Variants in FAM167A observed in about 807,000 individuals in gnomAD.
The protein encoded by FAM167A is family with sequence similarity 167 member A, also known as protein FAM167A.
FAM167A carries 23 observed loss-of-function variants against 14.9 expected under a neutral mutation model. That is an observed-to-expected ratio of 1.55 (90% CI 1.11 to 2.19). The LOEUF (loss-of-function observed/expected upper bound fraction) is 2.19. Ranked by LOEUF, FAM167A falls within the 30% of genes most tolerant of loss-of-function variation. The pLI is 0.00. For missense variants in FAM167A, 401 were observed against 281.5 expected, an observed-to-expected ratio of 1.42 and a Z score of -3.04; for synonymous variants, 174 against 117.7, an observed-to-expected ratio of 1.48 and a Z score of -3.10.
At chr8:11,452,853 C>T (rs11778177) in intron 1 of FAM167A, among the ~76,000 whole-genome samples, 48,888 of 152,130 alleles carry the variant, frequency 0.32, 8,643 homozygotes, top group Middle Eastern at 0.47. Flanking sequence ...TAGGTCTCCT[C>T]AGAGTTCACC....
rs917752715 is a variant in FAM167A, at chr8:11,421,719, G to C, written c.*2654C>G. ...AAGGCATCAAGACATGACCACGCAT[G>C]GCAGTGTCGGTGGAGAGTTTGCGTT... is the stretch of plus-strand genomic sequence containing the variant. On this transcript the variant is annotated 3_prime_UTR_variant, in exon 3 of 3. Transcript: ENST00000284486. The C allele has an allele frequency of 5.0e-6, 2 of 398,932 alleles. No homozygotes were observed. Among genetic ancestry groups the C allele is most frequent in the African/African-American group, 4.1e-5 (2 of 48,614 alleles). 24.7% of individuals were successfully genotyped at this position (398,932 alleles called of 1,614,324 possible). A position where few individuals can be genotyped will look rare whatever the true frequency, so the allele number is the denominator to read the frequency against.
chr8:11,458,345 C>A lies in FAM167A; in HGVS notation c.-398+8281G>T, dbSNP rs535271595. On this transcript the variant is annotated intron_variant, in intron 1 of 2. Transcript: ENST00000284486. ...CACTTGGATCTGAGCACTTTCCTGC[C>A]CACTCTCAGTGCAGCAGTGCACCTG... Among the ~76,000 whole-genome samples the A allele has an allele frequency of 1.1e-4, 17 of 152,282 alleles. No individual in the cohort carries two copies. The South Asian group carries it at 3.5e-3, about 32-fold the overall frequency.
At chr8:11,474,508 G>C (rs1270282496) in intron 1 of FAM167A, 1 of 152,180 alleles carries the variant, frequency 6.6e-6, no homozygotes, top group Non-Finnish European at 1.5e-5. Flanking sequence ...GCCAGGCTAT[G>C]GTTCACATCT....
At chr8:11,436,024 C>T (rs1805983417) in intron 2 of FAM167A, among the ~76,000 whole-genome samples, 1 of 152,194 alleles carries the variant, frequency 6.6e-6, no homozygotes. Flanking sequence ...TTTTTTGCTC[C>T]TCACAGCCTG....
chr8:11,457,481 C>G (rs184271824), intron 1 of FAM167A, among the ~76,000 whole-genome samples: 2 of 152,116 alleles, frequency 1.3e-5, no homozygotes, highest in African/African-American at 4.8e-5. Flanking sequence ...CCTGGTGCTT[C>G]CGGAGCTCAT....
chr8:11,470,405 G>T (rs993409862), upstream of FAM167A, among the ~76,000 whole-genome samples: 4 of 152,168 alleles, frequency 2.6e-5, no homozygotes, highest in African/African-American at 9.7e-5. Context: ...ATGCCTCGAG[G>T]CCAGAATGCA....
chr8:11,473,607 C>A (rs1204892548), intron 1 of FAM167A, among the ~76,000 whole-genome samples: 4 of 152,186 alleles, frequency 2.6e-5, no homozygotes, highest in Non-Finnish European at 2.9e-5. Context: ...CCCATCCTGG[C>A]CAGGGAGGTG....
At chr8:11,448,028 T>C (rs955017952) in intron 1 of FAM167A, among the ~76,000 whole-genome samples, 1 of 152,068 alleles carries the variant, frequency 6.6e-6, no homozygotes, top group Non-Finnish European at 1.5e-5. Context: ...ACCCCGTCTC[T>C]ACTAAAAATA....
chr8:11,438,476 C>G (rs1325969050), intron 2 of FAM167A: 1 of 457,372 alleles, frequency 2.2e-6, no homozygotes, highest in East Asian at 6.9e-5. Context: ...AGAATGCATA[C>G]CGATTACATT....
At chr8:11,471,000 G>A (rs537725446), upstream of FAM167A, among the ~76,000 whole-genome samples, 7 of 152,318 alleles carry the variant, frequency 4.6e-5, no homozygotes, top group South Asian at 8.3e-4. Context: ...ATTTAGGGGC[G>A]GCTGGCTCTG....
chr8:11,435,356 T>C (rs1341652167), intron 2 of FAM167A, among the ~76,000 whole-genome samples: 1 of 152,248 alleles, frequency 6.6e-6, no homozygotes, highest in Non-Finnish European at 1.5e-5. Flanking sequence ...ATTGGTTTCA[T>C]TTTTTATCAT....
intron 1 of FAM167A, among the ~76,000 whole-genome samples, chr8:11,448,089 G>C (rs1806864588): frequency 6.6e-6 from 1 of 152,154 alleles, no homozygotes; most frequent in Non-Finnish European, 1.5e-5. Flanking sequence ...AGCTACTTGG[G>C]AGACTGGGGC....
chr8:11,471,018 C>A (rs1807945032), upstream of FAM167A, among the ~76,000 whole-genome samples: 1 of 152,142 alleles, frequency 6.6e-6, no homozygotes, highest in South Asian at 2.1e-4. Context: ...CTGTGCCACC[C>A]GGGGGCTAGA....
At chr8:11,433,981 T>C (rs1805805424) in intron 2 of FAM167A, 3 of 152,162 alleles carry the variant, frequency 2.0e-5, no homozygotes, top group Non-Finnish European at 2.9e-5. Context: ...CTGGGTAAAA[T>C]TGTATTACAT....
At chr8:11,433,374 C>A (rs190494958) in intron 2 of FAM167A, among the ~76,000 whole-genome samples, 2 of 152,222 alleles carry the variant, frequency 1.3e-5, no homozygotes, top group East Asian at 3.9e-4. Flanking sequence ...AAGTCTTACC[C>A]GAAACCCTAT....
In FAM167A at chr8:11,444,071, T is replaced by C. The variant is rs781534429; in HGVS notation, c.341A>G (p.Gln114Arg). The C allele has an allele frequency of 4.3e-6, 7 of 1,613,538 alleles. No homozygotes were observed. In the South Asian group the frequency reaches 7.7e-5, roughly 18 times the overall value. ...PLSTGKLEGF[Q>R]SIDEAIAWLR... ...CCAGGCTATAGCTTCATCGATGCTC[T>C]GAAAGCCTTCCAGCTTGCCAGTGGA... is the stretch of plus-strand genomic sequence containing the variant. Residue 114 changes from glutamine to arginine, a missense_variant, in exon 2 of 3, where the codon CAG (glutamine) becomes CGG (arginine). By Grantham distance (43) the Gln-to-Arg change is conservative. Coordinates refer to ENST00000284486, the MANE Select transcript of FAM167A (RefSeq NM_053279.3).
chr8:11,435,978 G>A (rs1805978190), intron 2 of FAM167A, among the ~76,000 whole-genome samples: 1 of 152,182 alleles, frequency 6.6e-6, no homozygotes, highest in South Asian at 2.1e-4. Flanking sequence ...TGTGGCGCTT[G>A]CCCCAGCTCC....
intron 1 of FAM167A, among the ~76,000 whole-genome samples, chr8:11,456,074 TGA>T (rs1451824700): frequency 6.9e-6 from 1 of 145,938 alleles, no homozygotes; most frequent in Non-Finnish European, 1.5e-5. Flanking sequence ...TGTGTGAGTG[TGA>T]GTGTGGGAGG....
At chr8:11,461,481 A>G (rs1179610422) in intron 1 of FAM167A, among the ~76,000 whole-genome samples, 1 of 152,268 alleles carries the variant, frequency 6.6e-6, no homozygotes, top group Non-Finnish European at 1.5e-5. Flanking sequence ...AAGTAGACAC[A>G]GAGTGGCCTT....
Sources: gnomAD v4.1 joint callset for allele counts (sites outside exome capture counted in the v4.1 genomes callset) on GRCh38, gnomAD v4.1.1 for gene constraint, MANE v1.5 for transcripts, NCBI Gene and HGNC (gene_info 2026-07-23, HGNC 2026-07-21) for gene names.